Variants in CTNNA2 observed in about 807,000 individuals in gnomAD.
CTNNA2 encodes the protein catenin alpha 2.
Under a neutral mutation model 101.0 loss-of-function variants are expected in CTNNA2, and 42 were observed. The ratio of observed to expected loss-of-function variants is 0.42; its 90% CI spans 0.32 to 0.54. The LOEUF (loss-of-function observed/expected upper bound fraction) is 0.54. Ranked by LOEUF, CTNNA2 falls within the 20% of genes least tolerant of loss-of-function variation. The probability of loss-of-function intolerance (pLI) is 0.14; values close to 1 mark genes in which losing one functional copy is unlikely to be tolerated. For synonymous variants in CTNNA2, 450 were observed against 456.4 expected, an observed-to-expected ratio of 0.99 and a Z score of 0.18; for missense variants, 871 against 1,223.1, an observed-to-expected ratio of 0.71 and a Z score of 4.29.
intron 7 of CTNNA2, among the ~76,000 whole-genome samples, chr2:80,075,392 C>T (rs982986400): frequency 3.3e-5 from 5 of 151,770 alleles, no homozygotes; most frequent in Admixed American, 3.3e-4. Context: ...CAGTTCAATT[C>T]TCTCTTAGTG....
chr2:79,463,271 G>T (rs1370874713), intron 4 of CTNNA2, among the ~76,000 whole-genome samples: 1 of 151,898 alleles, frequency 6.6e-6, no homozygotes, highest in African/African-American at 2.4e-5. Context: ...AGCCAGGTGT[G>T]ATGATGTGCA....
At chr2:80,475,564 C>T (rs1685664903) in intron 9 of CTNNA2, among the ~76,000 whole-genome samples, 1 of 152,158 alleles carries the variant, frequency 6.6e-6, no homozygotes, top group African/African-American at 2.4e-5. Flanking sequence ...ATCTGCTATT[C>T]TGTCACCAAA....
intron 9 of CTNNA2, among the ~76,000 whole-genome samples, chr2:80,462,776 C>T (rs996663856): frequency 3.3e-5 from 5 of 151,768 alleles, no homozygotes; most frequent in African/African-American, 4.8e-5. Flanking sequence ...AATTAGTCTA[C>T]GCACTCTTTG....
chr2:79,560,539 G>A (rs954235306), intron 1 of CTNNA2, among the ~76,000 whole-genome samples: 1 of 151,898 alleles, frequency 6.6e-6, no homozygotes, highest in East Asian at 1.9e-4. Context: ...AGGAGTATGT[G>A]GCAGGTGCAG....
At chr2:79,544,638 G>A (rs1439325441) in intron 1 of CTNNA2, among the ~76,000 whole-genome samples, 3 of 152,162 alleles carry the variant, frequency 2.0e-5, no homozygotes, top group Non-Finnish European at 4.4e-5. Context: ...GTGAGAATAT[G>A]TCTAGCTTCA....
intron 4 of CTNNA2, among the ~76,000 whole-genome samples, chr2:79,428,619 A>C (rs1334622162): frequency 6.6e-6 from 1 of 152,116 alleles, no homozygotes; most frequent in East Asian, 1.9e-4. Context: ...CAAAAAAAAG[A>C]AACAGGCAAG....
At chr2:79,343,196 A>G (rs1176919079) in intron 3 of CTNNA2, among the ~76,000 whole-genome samples, 1 of 152,222 alleles carries the variant, frequency 6.6e-6, no homozygotes, top group East Asian at 1.9e-4. Flanking sequence ...TTAAAATAAT[A>G]TATTTGGATA....
At chr2:79,250,641 C>CAT (rs1674759575) in intron 2 of CTNNA2, among the ~76,000 whole-genome samples, 2 of 152,142 alleles carry the variant, frequency 1.3e-5, no homozygotes, top group South Asian at 4.2e-4. Context: ...ATATCTGCTA[C>CAT]ATATCTGGTT....
chr2:79,495,690 A>G (rs1246161730), intron 4 of CTNNA2, among the ~76,000 whole-genome samples: 3 of 152,198 alleles, frequency 2.0e-5, no homozygotes, highest in Non-Finnish European at 4.4e-5. Flanking sequence ...TTAATTGCCT[A>G]AAGTGGAAAT....
intron 9 of CTNNA2, among the ~76,000 whole-genome samples, chr2:80,441,191 G>A (rs754555746): frequency 1.5e-4 from 23 of 152,184 alleles, no homozygotes; most frequent in East Asian, 1.9e-4. Flanking sequence ...GGATATTTGT[G>A]AACTGTGTAG....
intron 13 of CTNNA2, among the ~76,000 whole-genome samples, chr2:80,575,599 C>T (rs1204873997): frequency 6.6e-6 from 1 of 152,030 alleles, no homozygotes; most frequent in Non-Finnish European, 1.5e-5. Flanking sequence ...AGTAATAGAC[C>T]ATGAGAATTG....
intron 13 of CTNNA2, chr2:80,576,456 G>C (rs1183134128): frequency 6.7e-6 from 1 of 148,676 alleles, no homozygotes; most frequent in East Asian, 2.0e-4. Context: ...TCCCCACAAA[G>C]TGGCTTAAAA....
chr2:80,555,779 A>C lies in CTNNA2; in HGVS notation c.1627A>C (p.Ile543Leu). The change falls in exon 12 of 19, where the codon ATC becomes CTC. Residue 543 changes from isoleucine to leucine, a missense_variant. Physicochemically the swap from Ile to Leu is conservative, Grantham distance 5. Transcript: ENST00000402739. ...CACTCTGGACCGGACTGCAGGGGCC[A>C]TCAGGGGCCGGGCAGCTCGAGTCAT... ...VDTLDRTAGA[I>L]RGRAARVIHI... The C allele has an allele frequency of 6.2e-7, 1 of 1,601,052 alleles. No individual in the cohort carries two copies. The highest frequency in any genetic ancestry group is 8.5e-7 in the Non-Finnish European group (1 of 1,173,912).
intron 7 of CTNNA2, among the ~76,000 whole-genome samples, chr2:80,358,172 A>G (rs1674024759): frequency 6.6e-6 from 1 of 152,098 alleles, no homozygotes; most frequent in Non-Finnish European, 1.5e-5. Context: ...AATTCAGTTA[A>G]TGCTTACTTA....
chr2:79,215,204 A>G (rs1221604076), intron 2 of CTNNA2, among the ~76,000 whole-genome samples: 2 of 152,116 alleles, frequency 1.3e-5, no homozygotes, highest in East Asian at 1.9e-4. Flanking sequence ...TCCTGCACAG[A>G]TGGGACGTGG....
intron 7 of CTNNA2, among the ~76,000 whole-genome samples, chr2:80,119,690 T>C (rs1701725170): frequency 1.3e-5 from 2 of 152,182 alleles, no homozygotes; most frequent in Non-Finnish European, 2.9e-5. Context: ...GAATCCTCAA[T>C]GTGAAATGAT....
intron 7 of CTNNA2, among the ~76,000 whole-genome samples, chr2:80,105,171 C>A (rs1322476337): frequency 1.3e-5 from 2 of 152,204 alleles, no homozygotes; most frequent in Non-Finnish European, 2.9e-5. Flanking sequence ...CAGTAAAATA[C>A]ACCAACAGAA....
rs1244351658 is a variant in CTNNA2, at chr2:79,358,204, C to CT, written c.-317-15614dup. Reference sequence around the variant, plus strand: ...GGAATTTTTGTCTTTTCTTTTTCTTCTTTTTTTTTTTTTAGATGGAGTTTT... The same window carrying CT: ...GGAATTTTTGTCTTTTCTTTTTCTTCTTTTTTTTTTTTTTAGATGGAGTTTT... On this transcript the variant is annotated intron_variant, in intron 3 of 21. Coordinates refer to the CTNNA2 transcript ENST00000466387. Among the ~76,000 whole-genome samples the CT allele has an allele frequency of 9.3e-4, 133 of 142,254 alleles. 1 individual carries two copies. The highest frequency in any genetic ancestry group is 2.2e-3 in the South Asian group (10 of 4,476). The allele number at this position is 142,254 out of a possible 152,430, so 93.3% of individuals were successfully genotyped here. A position where few individuals can be genotyped will look rare whatever the true frequency, so the allele number is the denominator to read the frequency against.
At chr2:80,076,424 A>G (rs1011098681) in intron 7 of CTNNA2, among the ~76,000 whole-genome samples, 3 of 151,850 alleles carry the variant, frequency 2.0e-5, no homozygotes, top group Non-Finnish European at 2.9e-5. Context: ...GACCACAGAT[A>G]TGTGCCACCA....
Sources: allele counts gnomAD v4.1 joint callset (sites outside exome capture counted in the v4.1 genomes callset), GRCh38; gene constraint gnomAD v4.1.1; transcripts MANE v1.5; gene names NCBI Gene and HGNC (gene_info 2026-07-23, HGNC 2026-07-21).